TIMM9: variants seen among roughly 807,000 people sequenced by gnomAD.
The protein encoded by TIMM9 is mitochondrial import inner membrane translocase subunit Tim9.
In TIMM9, 10 loss-of-function variants were observed where a neutral mutation model predicts 13.4. The observed-to-expected ratio is 0.75, with a 90% confidence interval of 0.46 to 1.26. The LOEUF is 1.26. Among genes scored for constraint, TIMM9 ranks in the 50% most tolerant of loss-of-function variants. The pLI, the probability that TIMM9 is intolerant of heterozygous loss-of-function variation, is 0.00. For missense variants in TIMM9, 87 were observed against 100.8 expected, an observed-to-expected ratio of 0.86 and a Z score of 0.58; for synonymous variants, 32 against 32.1, an observed-to-expected ratio of 1.00 and a Z score of 0.01.
At chr14:58,412,823 C>G (rs2036264830) in intron 3 of TIMM9, among the ~76,000 whole-genome samples, 1 of 152,094 alleles carries the variant, frequency 6.6e-6, no homozygotes. Flanking sequence ...ATCGCTTGAA[C>G]TCAGGACGTT....
intron 3 of TIMM9, among the ~76,000 whole-genome samples, chr14:58,420,860 C>CA (rs1379713755): frequency 7.3e-6 from 1 of 137,634 alleles, no homozygotes; most frequent in Non-Finnish European, 1.6e-5. Flanking sequence ...CAAAACAAAA[C>CA]AAAAAAACAA....
At chr14:58,419,512 TACACACAC>T (rs1010935066) in intron 3 of TIMM9, among the ~76,000 whole-genome samples, 1 of 77,362 alleles carries the variant, frequency 1.3e-5, no homozygotes, top group Non-Finnish European at 2.9e-5. Context: ...CACAAACACA[TACACACAC>T]ACACACACAA....
At chr14:58,409,518 C>A (rs2036140421) in intron 5 of TIMM9, among the ~76,000 whole-genome samples, 1 of 152,100 alleles carries the variant, frequency 6.6e-6, no homozygotes, top group Non-Finnish European at 1.5e-5. Flanking sequence ...TAAGTTTGTT[C>A]CTTTTTAATG....
In TIMM9 at chr14:58,417,124, A is replaced by G. The variant is rs137924334; in HGVS notation, c.-26-5153T>C. On this transcript the variant is annotated intron_variant, in intron 3 of 5. Transcript: ENST00000395159. ...TCTCTCTCTTTGCCTTCTGCCATCC[A>G]TGTAAGATGTGACTTGCTCCTCCTT... Among the ~76,000 whole-genome samples, 1,024 of 152,184 alleles carry G rather than the reference A, an allele frequency of 6.7e-3. 5 individuals carry two copies. The highest frequency in any genetic ancestry group is 0.021 in the East Asian group (108 of 5,164).
intron 3 of TIMM9, among the ~76,000 whole-genome samples, chr14:58,419,624 G>T (rs113515464): frequency 2.8e-4 from 42 of 152,200 alleles, no homozygotes; most frequent in African/African-American, 1.0e-3. Flanking sequence ...TGGATTGGGG[G>T]GCCAGGCATG....
chr14:58,409,960 G>A (rs1053171690), intron 5 of TIMM9, among the ~76,000 whole-genome samples: 3 of 151,390 alleles, frequency 2.0e-5, no homozygotes, highest in African/African-American at 7.3e-5. Context: ...CAACCTCCTG[G>A]GCTTAAGTGA....
intron 3 of TIMM9, among the ~76,000 whole-genome samples, chr14:58,417,214 C>T (rs905789440): frequency 1.3e-5 from 2 of 151,960 alleles, no homozygotes; most frequent in African/African-American, 4.8e-5. Context: ...AAACCTCTTT[C>T]TTTTGTAAAT....
chr14:58,411,476 C>T (rs1367143793), intron 4 of TIMM9, among the ~76,000 whole-genome samples: 3 of 150,670 alleles, frequency 2.0e-5, no homozygotes, highest in African/African-American at 7.3e-5. Context: ...AAAATACGTA[C>T]ACTTTATAAC....
intron 3 of TIMM9, among the ~76,000 whole-genome samples, chr14:58,413,502 T>C (rs542100166): frequency 2.0e-5 from 3 of 152,316 alleles, no homozygotes; most frequent in South Asian, 4.1e-4. Context: ...TCACAGAGAC[T>C]AATCAGAGAC....
chr14:58,416,291 C>T (rs941262685), intron 3 of TIMM9, among the ~76,000 whole-genome samples: 7 of 152,004 alleles, frequency 4.6e-5, no homozygotes, highest in Non-Finnish European at 1.0e-4. Flanking sequence ...TTGAAAGCAG[C>T]AAGTGAAAAA....
intron 3 of TIMM9, among the ~76,000 whole-genome samples, chr14:58,421,328 AG>A (rs1381928624): frequency 6.6e-6 from 1 of 152,238 alleles, no homozygotes; most frequent in Non-Finnish European, 1.5e-5. Context: ...ATGGTTGCCA[AG>A]GGTTAAGGAA....
At chr14:58,416,354 T>C (rs143187400) in intron 3 of TIMM9, among the ~76,000 whole-genome samples, 41 of 152,338 alleles carry the variant, frequency 2.7e-4, no homozygotes, top group African/African-American at 9.1e-4. Flanking sequence ...GATTTTTCTT[T>C]AGAAACTATG....
intron 2 of TIMM9, among the ~76,000 whole-genome samples, chr14:58,425,611 G>C (rs1048706970): frequency 2.0e-5 from 3 of 151,758 alleles, no homozygotes; most frequent in Non-Finnish European, 4.4e-5. Flanking sequence ...TCCAAATTAA[G>C]TTGTCATTTT....
intron 3 of TIMM9, among the ~76,000 whole-genome samples, chr14:58,413,724 T>C (rs1040668604): frequency 6.6e-6 from 1 of 152,126 alleles, no homozygotes; most frequent in Non-Finnish European, 1.5e-5. Context: ...TGTATTTGTA[T>C]AGGCTGGGCG....
Position 58,408,796 on chromosome 14 carries a change from A to G in TIMM9, c.*238T>C. 1.5e-6 allele frequency: 1 copy of G among 677,138 alleles called. No homozygotes were observed. Among genetic ancestry groups the G allele is most frequent in the Non-Finnish European group, 2.4e-6 (1 of 418,358 alleles). The allele number at this position is 677,138 out of a possible 1,614,324, so 41.9% of individuals were successfully genotyped here. On this transcript the variant is annotated 3_prime_UTR_variant, in exon 6 of 6. Transcript: ENST00000395159. ...AATCAAGTGACCAAGCTGCTGAATC[A>G]TAAGGCCTCAACAAATGTTGCATCT... is the stretch of plus-strand genomic sequence containing the variant.
chr14:58,416,581 G>A, intron 3 of TIMM9, among the ~76,000 whole-genome samples: 1 of 152,178 alleles, frequency 6.6e-6, no homozygotes, highest in East Asian at 1.9e-4. Context: ...AGTAGTCCTG[G>A]AACATCAAGG....
Position 58,422,054 on chromosome 14 carries a change from G to C in TIMM9, c.-27+1954C>G, listed in dbSNP as rs141037020. Among the ~76,000 whole-genome samples, 887 of 149,900 alleles carry C rather than the reference G, an allele frequency of 5.9e-3. 3 individuals carry two copies. Among genetic ancestry groups the C allele is most frequent in the Non-Finnish European group, 0.01 (688 of 67,584 alleles). ...TTAATTCCATCCTTGTATTTCTTTG[G>C]GTTAAAATTCTTATTTATTGACTTA... On this transcript the variant is annotated intron_variant, in intron 3 of 5. Transcript: ENST00000395159.
At chr14:58,425,902 T>C (rs989388953) in intron 2 of TIMM9, among the ~76,000 whole-genome samples, 11 of 151,972 alleles carry the variant, frequency 7.2e-5, no homozygotes, top group Non-Finnish European at 1.3e-4. Context: ...GTGAATCAAG[T>C]CAGGAGTTCG....
At chr14:58,420,015 C>A (rs78797433) in intron 3 of TIMM9, among the ~76,000 whole-genome samples, 7,487 of 152,286 alleles carry the variant, frequency 0.049, 259 homozygotes, top group South Asian at 0.11. Context: ...TGTCTCAACT[C>A]CTGGACTTAA....
Sources: gnomAD v4.1 joint callset for allele counts (sites outside exome capture counted in the v4.1 genomes callset) on GRCh38, gnomAD v4.1.1 for gene constraint, MANE v1.5 for transcripts, NCBI Gene and HGNC (gene_info 2026-07-23, HGNC 2026-07-21) for gene names.